DYNC2H1: variants seen among roughly 807,000 people sequenced by gnomAD.
The protein encoded by DYNC2H1 is cytoplasmic dynein 2 heavy chain 1.
DYNC2H1 carries 410 observed loss-of-function variants against 570.0 expected under a neutral mutation model. That is an observed-to-expected ratio of 0.72 (90% CI 0.66 to 0.78). The LOEUF (loss-of-function observed/expected upper bound fraction) is 0.78. DYNC2H1 is among the 30% of genes least tolerant of loss of function. The probability of loss-of-function intolerance (pLI) is 0.00; values close to 1 mark genes in which losing one functional copy is unlikely to be tolerated. For missense variants in DYNC2H1, 4,865 were observed against 5,046.4 expected, an observed-to-expected ratio of 0.96 and a Z score of 1.09; for synonymous variants, 1,688 against 1,677.6, an observed-to-expected ratio of 1.01 and a Z score of -0.15.
chr11:103,177,436 C>T lies in DYNC2H1; in HGVS notation c.5875-120C>T. On this transcript the variant is annotated intron_variant, in intron 37 of 88. Transcript: ENST00000375735. The surrounding 1 kb of genome is among the most constrained non-coding windows in gnomAD (Gnocchi z 4.4). Reference sequence around the variant, plus strand: ...TAGTCTATTACATTTTAGGCAATACCTTCCACTGAAGAAATCAAAGGCTTA... The same window carrying T: ...TAGTCTATTACATTTTAGGCAATACTTTCCACTGAAGAAATCAAAGGCTTA... 3 of 939,836 alleles carry T rather than the reference C, an allele frequency of 3.2e-6. No individual in the cohort carries two copies. The highest frequency in any genetic ancestry group is 4.6e-6 in the Non-Finnish European group (3 of 653,954). 58.2% of individuals were successfully genotyped at this position (939,836 alleles called of 1,614,324 possible).
rs369612722 is a variant in DYNC2H1 at position 103,183,044 on chromosome 11, A to G, written c.6477+1158A>G. On this transcript the variant is annotated intron_variant, in intron 40 of 88. Transcript: ENST00000375735. Reference sequence around the variant, plus strand: ...TTGTGCTTCTGTAGCAACATACAGCATCTACCAACTATGTTATAATTGTCT... The same window carrying G: ...TTGTGCTTCTGTAGCAACATACAGCGTCTACCAACTATGTTATAATTGTCT... Among the ~76,000 whole-genome samples the G allele has an allele frequency of 2.0e-5, 3 of 152,014 alleles. No individual in the cohort carries two copies. In the South Asian group the frequency reaches 6.2e-4, roughly 32 times the overall value.
At position 103,403,476 on chromosome 11, in the gene DYNC2H1, A is replaced by C. The variant is rs1467326238; in HGVS notation, c.12366+3604A>C. Reference sequence around the variant, plus strand: ...TCTTTAACTTAAAAGGTTAAAGCTAAGTAGCTTTACAGTGATATTATAGTG... The same window carrying C: ...TCTTTAACTTAAAAGGTTAAAGCTACGTAGCTTTACAGTGATATTATAGTG... On this transcript the variant is annotated intron_variant, in intron 84 of 88. Coordinates refer to ENST00000375735, the MANE Select transcript of DYNC2H1 (RefSeq NM_001377.3). 2.6e-5 allele frequency: 4 copies of C among 152,196 alleles called. No homozygotes were observed. The East Asian group carries it at 7.7e-4, about 29-fold the overall frequency. The allele number at this position is 152,196 out of a possible 1,614,324, so 9.4% of individuals were successfully genotyped here. A position where few individuals can be genotyped will look rare whatever the true frequency, so the allele number is the denominator to read the frequency against.
Position 103,205,537 on chromosome 11 carries a change from A to G in DYNC2H1, c.8454+573A>G, listed in dbSNP as rs1862892309. ...AGGAGTGTAATTGGAGATAAAAGAC[A>G]TGGTTTACAGATGAGGTAATATTTT... On this transcript the variant is annotated intron_variant, in intron 52 of 88. Transcript: ENST00000375735. This position sits in a 1 kb window ranked among gnomAD's most constrained non-coding sequence, Gnocchi z 4.5. 6.6e-6 allele frequency among the ~76,000 whole-genome samples: 1 copy of G among 152,198 alleles called. No individual in the cohort carries two copies. Among genetic ancestry groups the G allele is most frequent in the Non-Finnish European group, 1.5e-5 (1 of 68,028 alleles).
In DYNC2H1 at chr11:103,117,619, A is replaced by G. The variant is rs769486364; in HGVS notation, c.767-12A>G. ...TTATTTCCCTTAAACTCTTTGCTTTATGTTTTATTAGGTGGTTCATTTGGA... is the reference window on the plus strand; with the variant it reads ...TTATTTCCCTTAAACTCTTTGCTTTGTGTTTTATTAGGTGGTTCATTTGGA... On this transcript the variant is annotated splice_polypyrimidine_tract_variant and intron_variant, in intron 5 of 88. Transcript: ENST00000375735. The G allele has an allele frequency of 8.3e-6, 13 of 1,561,332 alleles. No homozygotes were observed. Among genetic ancestry groups the G allele is most frequent in the Non-Finnish European group, 1.0e-5 (12 of 1,152,706 alleles).
chr11:103,460,887 A>C (rs1235352725), intron 87 of DYNC2H1, among the ~76,000 whole-genome samples: 1 of 152,168 alleles, frequency 6.6e-6, no homozygotes, highest in African/African-American at 2.4e-5. Context: ...TTTATTGTTA[A>C]GAATTAAAAT....
In DYNC2H1 at chr11:103,252,972, T is replaced by G. The variant is rs1428239055; in HGVS notation, c.10043-313T>G. Among the ~76,000 whole-genome samples the G allele has an allele frequency of 2.0e-5, 3 of 152,196 alleles. No individual in the cohort carries two copies. The highest frequency in any genetic ancestry group is 4.4e-5 in the Non-Finnish European group (3 of 68,010). ...TAATTGAGGATTTCTATTTTTGTCA[T>G]CTATAATCAGCCATTTCAGAGCAAT... is the stretch of plus-strand genomic sequence containing the variant. On this transcript the variant is annotated intron_variant, in intron 65 of 88. Coordinates refer to ENST00000375735, the MANE Select transcript of DYNC2H1 (RefSeq NM_001377.3). This position sits in a 1 kb window ranked among gnomAD's most constrained non-coding sequence, Gnocchi z 4.6.
intron 85 of DYNC2H1, among the ~76,000 whole-genome samples, chr11:103,448,600 A>G (rs1322850911): frequency 1.3e-5 from 2 of 152,170 alleles, no homozygotes; most frequent in African/African-American, 4.8e-5. Flanking sequence ...TCCACAGTAG[A>G]AGAGGGTAGG....
At position 103,135,738 on chromosome 11, in the gene DYNC2H1, C is replaced by G; in HGVS notation, c.2364C>G (p.Phe788Leu). 1 of 1,610,274 alleles carries G rather than the reference C, an allele frequency of 6.2e-7. No homozygotes were observed. The highest frequency in any genetic ancestry group is 2.2e-5 in the East Asian group (1 of 44,804). Reference protein sequence around the residue: ...DLTYKQGRLQFRPPFEEIRAK... With the variant: ...DLTYKQGRLQLRPPFEEIRAK... ...CTTTTAGACAGGGACGATTACAATTCAGGCCCCCTTTTGAAGAAATCCGGG... is the reference window on the plus strand; with the variant it reads ...CTTTTAGACAGGGACGATTACAATTGAGGCCCCCTTTTGAAGAAATCCGGG... Residue 788 changes from phenylalanine (F) to leucine (L), a missense_variant, in exon 17 of 89, where the codon TTC becomes TTG. Around this residue, in one of 5 missense-constraint regions of DYNC2H1, gnomAD observed 1,936 missense variants for 1,962.1 expected, o/e 0.99. Coordinates refer to ENST00000375735, the MANE Select transcript of DYNC2H1 (RefSeq NM_001377.3).
intron 58 of DYNC2H1, among the ~76,000 whole-genome samples, 155 bp from the exon 59 acceptor site, chr11:103,222,810 A>G (rs966147843): frequency 6.6e-6 from 1 of 152,218 alleles, no homozygotes; most frequent in Non-Finnish European, 1.5e-5. Context: ...TTTAATCAAA[A>G]TAGAAGTTCA....
At chr11:103,128,156 A>G (rs548653625) in intron 12 of DYNC2H1, among the ~76,000 whole-genome samples, 9 of 152,358 alleles carry the variant, frequency 5.9e-5, no homozygotes, top group African/African-American at 2.2e-4. Flanking sequence ...ATTCTTTAGT[A>G]TATTGGGAGA....
chr11:103,201,113 CA>C lies in DYNC2H1; in HGVS notation c.8197+960del, dbSNP rs1469689320. Reference sequence around the variant, plus strand: ...AAGTGCTGGGATTACAGATGTGAGCCACCGCGTCTGGCCAGTAATCTTGTTT... The same window carrying C: ...AAGTGCTGGGATTACAGATGTGAGCCCCGCGTCTGGCCAGTAATCTTGTTT... On this transcript the variant is annotated intron_variant, in intron 50 of 88. Coordinates refer to ENST00000375735, the MANE Select transcript of DYNC2H1 (RefSeq NM_001377.3). The surrounding 1 kb of genome is among the most constrained non-coding windows in gnomAD (Gnocchi z 4.8). Among the ~76,000 whole-genome samples the C allele has an allele frequency of 6.6e-6, 1 of 152,046 alleles. No homozygotes were observed. Among genetic ancestry groups the C allele is most frequent in the Non-Finnish European group, 1.5e-5 (1 of 68,008 alleles).
rs1159238856 is a variant in DYNC2H1 at position 103,133,788 on chromosome 11, T to C, written c.2106+81T>C. 7 of 1,386,028 alleles carry C rather than the reference T, an allele frequency of 5.1e-6. No individual in the cohort carries two copies. In the African/African-American group the frequency reaches 5.9e-5, roughly 12 times the overall value. 85.9% of individuals were successfully genotyped at this position (1,386,028 alleles called of 1,614,324 possible). A position where few individuals can be genotyped will look rare whatever the true frequency, so the allele number is the denominator to read the frequency against. ...TTAAGATACAATTTTTAAAAACTTATTTTGAAATAATTTGAGACTTAAAGT... is the reference window on the plus strand; with the variant it reads ...TTAAGATACAATTTTTAAAAACTTACTTTGAAATAATTTGAGACTTAAAGT... On this transcript the variant is annotated intron_variant, in intron 14 of 88. Transcript: ENST00000375735. This position sits in a 1 kb window ranked among gnomAD's most constrained non-coding sequence, Gnocchi z 4.8.
At chr11:103,196,448 G>A (rs867976905) in intron 47 of DYNC2H1, among the ~76,000 whole-genome samples, 2 of 152,108 alleles carry the variant, frequency 1.3e-5, no homozygotes, top group African/African-American at 4.8e-5. Flanking sequence ...TGCTCAATAG[G>A]TAAGTATTGA....
At chr11:103,137,188 C>G (rs1190420211) in intron 17 of DYNC2H1, among the ~76,000 whole-genome samples, 7 of 148,592 alleles carry the variant, frequency 4.7e-5, no homozygotes, top group African/African-American at 1.5e-4. Context: ...CCTGTTCACT[C>G]TGATGGTAGT....
Position 103,256,666 on chromosome 11 carries a change from A to G in DYNC2H1, c.10461+426A>G, listed in dbSNP as rs1478383452. 6.6e-6 allele frequency among the ~76,000 whole-genome samples: 1 copy of G among 152,182 alleles called. No individual in the cohort carries two copies. The highest frequency in any genetic ancestry group is 1.5e-5 in the Non-Finnish European group (1 of 68,020). ...ATTGGCTCTTTTCATGCTTATAATG[A>G]ACAGTGCTGGGTACTTTATTATCCT... is the stretch of plus-strand genomic sequence containing the variant. On this transcript the variant is annotated intron_variant, in intron 68 of 88. Coordinates refer to ENST00000375735, the MANE Select transcript of DYNC2H1 (RefSeq NM_001377.3). This position sits in a 1 kb window ranked among gnomAD's most constrained non-coding sequence, Gnocchi z 4.0.
At chr11:103,162,355 C>T (rs562261662) in intron 29 of DYNC2H1, among the ~76,000 whole-genome samples, 258 of 151,950 alleles carry the variant, frequency 1.7e-3, no homozygotes, top group Non-Finnish European at 2.6e-3. Context: ...GCAGCTTTTG[C>T]CTTTTTATTA....
intron 84 of DYNC2H1, among the ~76,000 whole-genome samples, chr11:103,435,066 A>T (rs1051146499): frequency 6.6e-6 from 1 of 152,132 alleles, no homozygotes; most frequent in Non-Finnish European, 1.5e-5. Context: ...CAGTTCTGGC[A>T]CTTATCTATC....
At chr11:103,327,011 T>C (rs902216210) in intron 82 of DYNC2H1, among the ~76,000 whole-genome samples, 2 of 152,192 alleles carry the variant, frequency 1.3e-5, no homozygotes, top group Non-Finnish European at 2.9e-5. Context: ...TAGGATTCCA[T>C]AGGTCCAAGG....
chr11:103,257,499 G>T, intron 68 of DYNC2H1, 109 bp from the exon 69 acceptor site: 1 of 1,111,076 alleles, frequency 9.0e-7, no homozygotes, highest in South Asian at 3.1e-5. Context: ...GAAAAAGTAA[G>T]GTTTTTTTAT....
Sources: gnomAD v4.1 joint callset for allele counts (sites outside exome capture counted in the v4.1 genomes callset) on GRCh38, gnomAD v4.1.1 for gene constraint, gnomAD v4.1.1 regional missense constraint, Gnocchi (gnomAD v3.1) non-coding constraint, MANE v1.5 for transcripts, NCBI Gene and HGNC (gene_info 2026-07-23, HGNC 2026-07-21) for gene names.